Variants in UNC13A observed in about 807,000 individuals in gnomAD.
UNC13A encodes protein unc-13 homolog A.
In UNC13A, 61 loss-of-function variants were observed where a neutral mutation model predicts 219.7. The observed-to-expected ratio is 0.28, with a 90% CI of 0.23 to 0.34. UNC13A has a LOEUF of 0.34. Ranked by LOEUF, UNC13A falls within the 10% of genes least tolerant of loss-of-function variation. The probability of loss-of-function intolerance (pLI) is 1.00; values close to 1 mark genes in which losing one functional copy is unlikely to be tolerated. For synonymous variants in UNC13A, 920 were observed against 884.6 expected (o/e 1.04, Z -0.71); for missense variants, 1,476 against 2,270.3 (o/e 0.65, Z 7.11).
chr19:17,648,585 G>A lies in UNC13A; in HGVS notation c.1662C>T (p.His554=). 6.2e-7 allele frequency: 1 copy of A among 1,614,010 alleles called. No individual in the cohort carries two copies. Among genetic ancestry groups the A allele is most frequent in the Non-Finnish European group, 8.5e-7 (1 of 1,179,926 alleles). ...LIYPISCTTP[H]NFEVWTATTP... ...TGGTGGCCGTCCACACTTCGAAGTT[G>A]TGTGGCGTCGTGCACGAGATGGGGT... Residue 554 remains histidine, a synonymous_variant, in exon 16 of 44, where the codon CAC becomes CAT. Transcript: ENST00000519716.
chr19:17,627,723 T>C lies in UNC13A; in HGVS notation c.3832-126A>G, dbSNP rs2076798527. ...GGGGAAACTGAGGCACAGACCGTTATGCTGCAAGCCTGGGTTTAAGGCCAT... is the reference window on the plus strand; with the variant it reads ...GGGGAAACTGAGGCACAGACCGTTACGCTGCAAGCCTGGGTTTAAGGCCAT... On this transcript the variant is annotated intron_variant, in intron 32 of 43. Coordinates refer to ENST00000519716, the MANE Select transcript of UNC13A (RefSeq NM_001080421.3). The surrounding 1 kb of genome is among the most constrained non-coding windows in gnomAD (Gnocchi z 4.7). The C allele has an allele frequency of 4.0e-6, 5 of 1,255,450 alleles. No homozygotes were observed. The allele number at this position is 1,255,450 out of a possible 1,614,324, so 77.8% of individuals were successfully genotyped here. A position where few individuals can be genotyped will look rare whatever the true frequency, so the allele number is the denominator to read the frequency against.
chr19:17,684,333 C>T (rs1440941723), intron 1 of UNC13A, among the ~76,000 whole-genome samples: 3 of 152,168 alleles, frequency 2.0e-5, no homozygotes, highest in East Asian at 3.9e-4. Flanking sequence ...TACCCCACTC[C>T]TCAGCTCCCT....
In UNC13A at chr19:17,656,140, C is replaced by A; in HGVS notation, c.1026G>T (p.Glu342Asp). The change falls in exon 10 of 44, where the codon GAG becomes GAT. Residue 342 changes from glutamate (E) to aspartate (D), a missense_variant. Glu to Asp is a conservative substitution (Grantham distance 45). Around this residue, in one of 14 missense-constraint regions of UNC13A, gnomAD observed 351 missense variants for 342.6 expected, o/e 1.02. Transcript: ENST00000519716. ...LEEEELPEDE[E>D]ELEEEEEEVP... Reference sequence around the variant, plus strand: ...CCTCCTCCTCCTCCTCCTCCAGCTCCTCCTCATCTTCAGGCAGCTCCTCCT... The same window carrying A: ...CCTCCTCCTCCTCCTCCTCCAGCTCATCCTCATCTTCAGGCAGCTCCTCCT... 1 of 1,552,180 alleles carries A rather than the reference C, an allele frequency of 6.4e-7. No homozygotes were observed.
chr19:17,603,925 C>T lies in UNC13A; in HGVS notation c.*2129G>A, dbSNP rs767284741. 2 of 150,888 alleles carry T rather than the reference C, an allele frequency of 1.3e-5. No homozygotes were observed. The highest frequency in any genetic ancestry group is 3.0e-5 in the Non-Finnish European group (2 of 67,698). 9.3% of individuals were successfully genotyped at this position (150,888 alleles called of 1,614,324 possible). ...CTCCAGGGTTCAAACAATTCTCCCG[C>T]CTCAGTCTCCTGAGTAGCTGGGACT... is the stretch of plus-strand genomic sequence containing the variant. On this transcript the variant is annotated 3_prime_UTR_variant, in exon 44 of 44. Transcript: ENST00000519716.
chr19:17,658,111 T>G lies in UNC13A; in HGVS notation c.718A>C (p.Ser240Arg), dbSNP rs1272167523. The G allele has an allele frequency of 8.1e-6, 13 of 1,613,606 alleles. No individual in the cohort carries two copies. Among genetic ancestry groups the G allele is most frequent in the African/African-American group, 4.0e-5 (3 of 74,854 alleles). The change falls in exon 9 of 44, where the codon AGT becomes CGT. Residue 240 changes from serine to arginine, a missense_variant. Around this residue, in one of 14 missense-constraint regions of UNC13A, gnomAD observed 351 missense variants for 342.6 expected, o/e 1.02. Coordinates refer to ENST00000519716, the MANE Select transcript of UNC13A (RefSeq NM_001080421.3). ...TCCTCGTAACTGTGCATGGAGTCAC[T>G]GTAGGACTCCCGGGAGCCCAGGGGT... ...PPPLGSRESY[S>R]DSMHSYEEFS...
chr19:17,679,052 A>G (rs917809196), intron 1 of UNC13A, among the ~76,000 whole-genome samples: 12 of 152,116 alleles, frequency 7.9e-5, no homozygotes, highest in Admixed American at 2.6e-4. Context: ...TGAGCCCAGG[A>G]GTTCAAGACC....
chr19:17,636,425 C>T (rs963344056), intron 25 of UNC13A, among the ~76,000 whole-genome samples: 1 of 152,120 alleles, frequency 6.6e-6, no homozygotes, highest in East Asian at 1.9e-4. Flanking sequence ...TGAACAAACC[C>T]AGCTCCACTA....
At chr19:17,680,057 G>A (rs2079976931) in intron 1 of UNC13A, among the ~76,000 whole-genome samples, 1 of 151,956 alleles carries the variant, frequency 6.6e-6, no homozygotes, top group African/African-American at 2.4e-5. Flanking sequence ...GAGGGAAAAG[G>A]GGACAGGAAA....
chr19:17,624,389 G>C (rs1457957229), intron 35 of UNC13A, among the ~76,000 whole-genome samples: 2 of 152,060 alleles, frequency 1.3e-5, no homozygotes, highest in Non-Finnish European at 2.9e-5. Flanking sequence ...CAAAGTGCTG[G>C]GATTGCAGGC....
In UNC13A at chr19:17,655,373, C is replaced by T. The variant is rs752964107; in HGVS notation, c.1293G>A (p.Pro431=). Residue 431 remains proline (P), a synonymous_variant, in exon 11 of 44, where the codon CCG becomes CCA. Transcript: ENST00000519716. ...CCTCCTGGCCTTCCTCATCCTCTCTCGGCCTGAAACTGAGGCAGGGAACGC... is the reference window on the plus strand; with the variant it reads ...CCTCCTGGCCTTCCTCATCCTCTCTTGGCCTGAAACTGAGGCAGGGAACGC... ...EPPKDEESFR[P]REDEEGQEGQ... The T allele has an allele frequency of 1.3e-5, 21 of 1,580,538 alleles. No homozygotes were observed. In the African/African-American group the frequency reaches 1.6e-4, roughly 12 times the overall value.
intron 38 of UNC13A, among the ~76,000 whole-genome samples, chr19:17,619,784 C>T (rs7253712): frequency 0.015 from 2,318 of 152,208 alleles, 70 homozygotes; most frequent in African/African-American, 0.052. Context: ...CCTCCATATC[C>T]GTCCTCCACC....
At chr19:17,624,121 TC>T (rs2076757811) in intron 35 of UNC13A, among the ~76,000 whole-genome samples, 1 of 143,434 alleles carries the variant, frequency 7.0e-6, no homozygotes, top group Non-Finnish European at 1.5e-5. Flanking sequence ...CTATGCCTTC[TC>T]TTTTTTTTTT....
At chr19:17,672,338 G>A in intron 4 of UNC13A, 40 bp downstream of exon 4, 3 of 1,537,968 alleles carry the variant, frequency 2.0e-6, no homozygotes, top group Non-Finnish European at 2.7e-6. Context: ...CTTCTGCAAG[G>A]CACTCCTCCT....
chr19:17,626,846 T>C, intron 33 of UNC13A, 61 bp from the exon 34 acceptor site: 1 of 1,545,600 alleles, frequency 6.5e-7, no homozygotes, highest in Non-Finnish European at 8.8e-7. Flanking sequence ...ACACAGATGC[T>C]GATCTGTGGT....
intron 30 of UNC13A, among the ~76,000 whole-genome samples, chr19:17,629,917 TAACCCCAACTCCAACCTCCATTCA>T (rs1416043578): frequency 8.4e-6 from 1 of 119,086 alleles, no homozygotes; most frequent in Non-Finnish European, 1.9e-5. Flanking sequence ...ATTTAAACCC[TAACCCCAACTCCAACCTCCATTCA>T]AACCTCAACT....
In UNC13A at chr19:17,671,792, A is replaced by T. The variant is rs2079793304; in HGVS notation, c.270+586T>A. On this transcript the variant is annotated intron_variant, in intron 4 of 43. Coordinates refer to ENST00000519716, the MANE Select transcript of UNC13A (RefSeq NM_001080421.3). ...CTGTCTCAAAAATAAATAATTAAAT[A>T]AAAAATAGACATCACTACTACCTGC... Among the ~76,000 whole-genome samples the T allele has an allele frequency of 2.0e-5, 3 of 152,026 alleles. No individual in the cohort carries two copies. The South Asian group carries it at 6.2e-4, about 32-fold the overall frequency.
At chr19:17,669,823 C>G (rs2079744047) in intron 4 of UNC13A, 147 bp from the exon 5 acceptor site, 2 of 890,306 alleles carry the variant, frequency 2.2e-6, no homozygotes. Context: ...GTCCTTCCTT[C>G]CTTCCCTTCC....
At chr19:17,615,417 C>T (rs1156522189) in intron 41 of UNC13A, among the ~76,000 whole-genome samples, 1 of 151,888 alleles carries the variant, frequency 6.6e-6, no homozygotes, top group Non-Finnish European at 1.5e-5. Flanking sequence ...TTACACCTGT[C>T]ATCCTAGCAC....
intron 12 of UNC13A, 111 bp downstream of exon 12, chr19:17,652,520 C>G: frequency 1.5e-6 from 2 of 1,368,142 alleles, no homozygotes; most frequent in South Asian, 2.4e-5. Flanking sequence ...AATCTGTCCC[C>G]TGTCTAAATG....
Sources: gnomAD v4.1 joint callset for allele counts (sites outside exome capture counted in the v4.1 genomes callset) on GRCh38, gnomAD v4.1.1 for gene constraint, gnomAD v4.1.1 regional missense constraint, Gnocchi (gnomAD v3.1) non-coding constraint, MANE v1.5 for transcripts, NCBI Gene and HGNC (gene_info 2026-07-23, HGNC 2026-07-21) for gene names.